UQCRC2: variants seen among roughly 807,000 people sequenced by gnomAD.
UQCRC2 encodes ubiquinol-cytochrome c reductase core protein 2, also known as cytochrome b-c1 complex subunit 2, mitochondrial.
Under a neutral mutation model 55.6 loss-of-function variants are expected in UQCRC2, and 49 were observed. That is an observed-to-expected ratio of 0.88 (90% confidence interval 0.70 to 1.12). The LOEUF (loss-of-function observed/expected upper bound fraction) is 1.12. UQCRC2 is among the 50% of genes most tolerant of loss of function. The pLI is 0.00. For missense variants in UQCRC2, 506 were observed against 547.8 expected (o/e 0.92, Z 0.76); for synonymous variants, 193 against 192.0 (o/e 1.01, Z -0.04).
At chr16:21,959,773 C>T (rs979967918) in intron 4 of UQCRC2, 2 of 152,176 alleles carry the variant, frequency 1.3e-5, no homozygotes, top group African/African-American at 4.8e-5. Context: ...AAAAATTACT[C>T]CTTGATCCAT....
At chr16:21,971,809 C>G in intron 9 of UQCRC2, 114 bp from the exon 10 acceptor site, 1 of 1,470,582 alleles carries the variant, frequency 6.8e-7, no homozygotes, top group Non-Finnish European at 9.3e-7. Context: ...GGGGAAAGCA[C>G]CGAGCTGCAG....
intron 6 of UQCRC2, among the ~76,000 whole-genome samples, chr16:21,965,196 G>A (rs1354953373): frequency 1.3e-5 from 2 of 152,196 alleles, no homozygotes; most frequent in Admixed American, 6.5e-5. Flanking sequence ...AGAAGCTGCT[G>A]CCATGTAATC....
rs181484230 is a variant in UQCRC2, at chr16:21,967,628, C to T, written c.613-1000C>T. On this transcript the variant is annotated intron_variant, in intron 7 of 13. Transcript: ENST00000268379. ...TTGATTGGATGGATGGGTAGTTGGT[C>T]GGTTTTAAATAAGGATTCTAGGATT... 2.2e-3 allele frequency among the ~76,000 whole-genome samples: 341 copies of T among 152,152 alleles called. 4 individuals carry two copies. The highest frequency in any genetic ancestry group is 7.6e-3 in the African/African-American group (314 of 41,498).
chr16:21,979,101 G>A (rs1298450782), intron 12 of UQCRC2, among the ~76,000 whole-genome samples: 1 of 152,144 alleles, frequency 6.6e-6, no homozygotes, highest in African/African-American at 2.4e-5. Flanking sequence ...AAGGCAAAAG[G>A]AAAAGGTCAA....
In UQCRC2 at chr16:21,983,441, A is replaced by G; in HGVS notation, c.*270A>G. The stretch of plus-strand genomic sequence containing the variant: ...TAGATGCTTTAAAGGAGACAGGAAT[A>G]TAATTATTGAGTATAGAAGCATCAG... On this transcript the variant is annotated 3_prime_UTR_variant, in exon 14 of 14. Coordinates refer to ENST00000268379, the MANE Select transcript of UQCRC2 (RefSeq NM_003366.4). 1 of 439,792 alleles carries G rather than the reference A, an allele frequency of 2.3e-6. No homozygotes were observed. Among genetic ancestry groups the G allele is most frequent in the East Asian group, 3.4e-5 (1 of 29,012 alleles). 27.2% of individuals were successfully genotyped at this position (439,792 alleles called of 1,614,324 possible). A position where few individuals can be genotyped will look rare whatever the true frequency, so the allele number is the denominator to read the frequency against.
intron 4 of UQCRC2, among the ~76,000 whole-genome samples, chr16:21,960,728 A>G (rs1425515259): frequency 2.0e-5 from 3 of 152,096 alleles, no homozygotes; most frequent in African/African-American, 7.2e-5. Flanking sequence ...CTTAATTTCA[A>G]TATTGTTGTG....
At chr16:21,979,518 C>T (rs909709059) in intron 12 of UQCRC2, among the ~76,000 whole-genome samples, 36 of 152,062 alleles carry the variant, frequency 2.4e-4, no homozygotes, top group African/African-American at 8.5e-4. Context: ...ATAGCATGTA[C>T]TATAGTACTG....
chr16:21,971,809 C>A, intron 9 of UQCRC2, 114 bp from the exon 10 acceptor site: 1 of 1,470,564 alleles, frequency 6.8e-7, no homozygotes, highest in Non-Finnish European at 9.3e-7. Context: ...GGGGAAAGCA[C>A]CGAGCTGCAG....
intron 8 of UQCRC2, 85 bp downstream of exon 8, chr16:21,968,770 C>A: frequency 2.4e-6 from 3 of 1,276,180 alleles, no homozygotes; most frequent in South Asian, 1.7e-5. Flanking sequence ...TAGGATTGAA[C>A]AAAATTTGAA....
intron 11 of UQCRC2, among the ~76,000 whole-genome samples, chr16:21,974,885 A>G (rs1411776573): frequency 6.6e-6 from 1 of 152,226 alleles, no homozygotes; most frequent in Non-Finnish European, 1.5e-5. Flanking sequence ...GTACCTCCTC[A>G]GTGAGACAGG....
chr16:21,961,670 T>TATATATATATATA (rs1567470647), intron 4 of UQCRC2, among the ~76,000 whole-genome samples: 9 of 48,732 alleles, frequency 1.8e-4, no homozygotes, highest in Non-Finnish European at 5.2e-4. Context: ...ATATATATAT[T>TATATATATATATA]TTAGACAGTC....
At chr16:21,976,654 G>A (rs79663668) in intron 12 of UQCRC2, 3,594 of 155,682 alleles carry the variant, frequency 0.023, 143 homozygotes, top group African/African-American at 0.081. Context: ...TGAGAAATGC[G>A]CATATCGAAA....
At chr16:21,966,273 TC>T (rs1170763887) in intron 7 of UQCRC2, among the ~76,000 whole-genome samples, 1 of 152,190 alleles carries the variant, frequency 6.6e-6, no homozygotes, top group Non-Finnish European at 1.5e-5. Context: ...TAGCTCCTGT[TC>T]CATCCTCGCT....
At chr16:21,981,707 G>A (rs1024642702) in intron 13 of UQCRC2, among the ~76,000 whole-genome samples, 13 of 151,960 alleles carry the variant, frequency 8.6e-5, no homozygotes, top group South Asian at 4.2e-4. Flanking sequence ...AGGTTGCAGC[G>A]AGCCGAGATC....
At chr16:21,968,743 C>G in intron 8 of UQCRC2, 58 bp downstream of exon 8, 1 of 1,492,108 alleles carries the variant, frequency 6.7e-7, no homozygotes, top group Non-Finnish European at 9.1e-7. Flanking sequence ...GTTCCTTAAA[C>G]TGTAATTACG....
intron 12 of UQCRC2, 31 bp from the exon 13 acceptor site, chr16:21,980,516 C>G (rs1270254650): frequency 1.2e-6 from 2 of 1,605,022 alleles, no homozygotes; most frequent in Admixed American, 3.5e-5. Context: ...GCCTTGCTCT[C>G]TAAAACTGAC....
chr16:21,979,642 T>G (rs1398928059), intron 12 of UQCRC2, among the ~76,000 whole-genome samples: 1 of 152,212 alleles, frequency 6.6e-6, no homozygotes, highest in African/African-American at 2.4e-5. Flanking sequence ...TTTTATGGCA[T>G]AGCTCCTGCT....
At chr16:21,954,507 G>A (rs958557638) in intron 1 of UQCRC2, among the ~76,000 whole-genome samples, 6 of 152,138 alleles carry the variant, frequency 3.9e-5, no homozygotes, top group South Asian at 4.1e-4. Flanking sequence ...GGTTAGATTG[G>A]CAAAAGACCC....
rs143947328 is a variant in UQCRC2 at position 21,958,974 on chromosome 16, A to G, written c.332+375A>G. Among the ~76,000 whole-genome samples, 40 of 152,336 alleles carry G rather than the reference A, an allele frequency of 2.6e-4. 1 individual carries two copies. The East Asian group carries it at 5.6e-3, about 21-fold the overall frequency. On this transcript the variant is annotated intron_variant, in intron 4 of 13. Coordinates refer to ENST00000268379, the MANE Select transcript of UQCRC2 (RefSeq NM_003366.4). The stretch of plus-strand genomic sequence containing the variant: ...AGTGTACAATGACATTTTGTCTTGG[A>G]AAAAAAGTACATAACCTTAATTTTA...
Sources: allele counts gnomAD v4.1 joint callset (sites outside exome capture counted in the v4.1 genomes callset), GRCh38; gene constraint gnomAD v4.1.1; transcripts MANE v1.5; gene names NCBI Gene and HGNC (gene_info 2026-07-23, HGNC 2026-07-21).